Variants in CEP57 observed in about 807,000 individuals in gnomAD.
The protein encoded by CEP57 is centrosomal protein 57, also known as centrosomal protein of 57 kDa.
CEP57 carries 40 observed loss-of-function variants against 68.0 expected under a neutral mutation model. The ratio of observed to expected loss-of-function variants is 0.59; its 90% confidence interval spans 0.46 to 0.77. The LOEUF is 0.77. Ranked by LOEUF, CEP57 falls within the 30% of genes least tolerant of loss-of-function variation. The pLI, the probability that CEP57 is intolerant of heterozygous loss-of-function variation, is 0.00. For missense variants in CEP57, 606 were observed against 580.7 expected (o/e 1.04, Z -0.45); for synonymous variants, 219 against 198.7 (o/e 1.10, Z -0.86).
chr11:95,818,829 A>G lies in CEP57; in HGVS notation c.624A>G (p.Lys208=). 6.2e-7 allele frequency: 1 copy of G among 1,613,734 alleles called. No individual in the cohort carries two copies. The highest frequency in any genetic ancestry group is 8.5e-7 in the Non-Finnish European group (1 of 1,179,688). The part of the protein sequence containing the change: ...KLTTMQALAE[K]KMQELEAKLH... ...CCTTTTGACATTTTTATCACTAGAA[A>G]AAAATGCAAGAGTTGGAAGCAAAAC... Residue 208 remains lysine (K), a splice_region_variant and synonymous_variant, in exon 6 of 11, where the codon AAA becomes AAG. Coordinates refer to ENST00000325542, the MANE Select transcript of CEP57 (RefSeq NM_014679.5).
At chr11:95,813,149 AGT>A (rs1206377684) in intron 3 of CEP57, 38 bp downstream of exon 3, 15 of 1,570,362 alleles carry the variant, frequency 9.6e-6, no homozygotes, top group Admixed American at 3.4e-5. Flanking sequence ...TATCAAAATA[AGT>A]GTTGTGCAGT....
intron 4 of CEP57, among the ~76,000 whole-genome samples, chr11:95,814,883 T>C (rs549607352): frequency 5.3e-5 from 8 of 152,326 alleles, no homozygotes; most frequent in Non-Finnish European, 7.4e-5. Context: ...GTAAAATCCA[T>C]GGATGCTCAA....
In CEP57 at chr11:95,790,580, CTTTTCCA is replaced by C; in HGVS notation, c.-117_-111del. ...CAAGCCCAGCACCAGCACCCTTGCC[CTTTTCCA>C]TCAGGGGTTCAGCCTAGGGTCCCCG... On this transcript the variant is annotated 5_prime_UTR_variant, in exon 1 of 11. Coordinates refer to ENST00000325542, the MANE Select transcript of CEP57 (RefSeq NM_014679.5). 1 of 1,271,864 alleles carries C rather than the reference CTTTTCCA, an allele frequency of 7.9e-7. No homozygotes were observed. Among genetic ancestry groups the C allele is most frequent in the Non-Finnish European group, 1.1e-6 (1 of 895,290 alleles). The allele number at this position is 1,271,864 out of a possible 1,614,324, so 78.8% of individuals were successfully genotyped here. A position where few individuals can be genotyped will look rare whatever the true frequency, so the allele number is the denominator to read the frequency against.
intron 4 of CEP57, 102 bp downstream of exon 4, chr11:95,813,691 C>T (rs2135322136): frequency 7.3e-7 from 1 of 1,366,492 alleles, no homozygotes; most frequent in South Asian, 1.2e-5. Flanking sequence ...GGTGCTGTTA[C>T]AGCCCAGGAC....
intron 1 of CEP57, among the ~76,000 whole-genome samples, chr11:95,795,919 T>C (rs1461671171): frequency 6.6e-6 from 1 of 152,234 alleles, no homozygotes; most frequent in Non-Finnish European, 1.5e-5. Flanking sequence ...TATATCCATT[T>C]CTAGCTTGCC....
chr11:95,793,447 A>C (rs1861191810), intron 1 of CEP57, among the ~76,000 whole-genome samples: 1 of 152,224 alleles, frequency 6.6e-6, no homozygotes. Flanking sequence ...CAGTAGCTCC[A>C]TATTAATTTC....
In CEP57 at chr11:95,832,432, A is replaced by G. The variant is rs1863044903; in HGVS notation, c.*1176A>G. 1 of 140,002 alleles carries G rather than the reference A, an allele frequency of 7.1e-6. No homozygotes were observed. 8.7% of individuals were successfully genotyped at this position (140,002 alleles called of 1,614,324 possible). ...CAAGATACTACAGTAACAGGCTTTA[A>G]TTTAGGATCCTTAAGATTTTGGGGT... On this transcript the variant is annotated 3_prime_UTR_variant, in exon 11 of 11. Transcript: ENST00000325542.
At position 95,831,149 on chromosome 11, in the gene CEP57, A is replaced by G. The variant is rs765144759; in HGVS notation, c.1396A>G (p.Met466Val). 2 of 1,613,564 alleles carry G rather than the reference A, an allele frequency of 1.2e-6. No homozygotes were observed. Among genetic ancestry groups the G allele is most frequent in the Non-Finnish European group, 1.7e-6 (2 of 1,179,590 alleles). Residue 466 changes from methionine (M) to valine (V), a missense_variant, in exon 11 of 11, where the codon ATG (methionine) becomes GTG (valine). By Grantham distance (21) the Met-to-Val change is conservative. Transcript: ENST00000325542. ...AGGGACCACAAATAAGAAAGATTTT[A>G]TGAAACTGAGACCTGGAGAAAAAAG... The part of the protein sequence containing the change: ...ITGTTNKKDF[M>V]KLRPGEKRRK...
chr11:95,811,595 C>T (rs561665338), intron 2 of CEP57, among the ~76,000 whole-genome samples: 3 of 143,556 alleles, frequency 2.1e-5, no homozygotes, highest in South Asian at 2.2e-4. Flanking sequence ...AAAAAAAAAA[C>T]GTGATGGGAA....
intron 8 of CEP57, chr11:95,825,685 C>T (rs1384504918): frequency 1.3e-5 from 2 of 151,640 alleles, no homozygotes; most frequent in East Asian, 3.9e-4. Context: ...CAACCTCTGC[C>T]TCCTGGGTTC....
chr11:95,804,032 T>A (rs1861691429), intron 2 of CEP57, among the ~76,000 whole-genome samples: 1 of 151,694 alleles, frequency 6.6e-6, no homozygotes, highest in South Asian at 2.1e-4. Context: ...AAAAGAAAAA[T>A]TTCAGGAAAC....
chr11:95,814,441 A>G lies in CEP57; in HGVS notation c.504+852A>G, dbSNP rs191834079. Among the ~76,000 whole-genome samples the G allele has an allele frequency of 2.8e-3, 400 of 141,994 alleles. 1 individual carries two copies. Among genetic ancestry groups the G allele is most frequent in the Middle Eastern group, 7.8e-3 (2 of 258 alleles). The allele number at this position is 141,994 out of a possible 152,430, so 93.2% of individuals were successfully genotyped here. A position where few individuals can be genotyped will look rare whatever the true frequency, so the allele number is the denominator to read the frequency against. On this transcript the variant is annotated intron_variant, in intron 4 of 10. Coordinates refer to ENST00000325542, the MANE Select transcript of CEP57 (RefSeq NM_014679.5). ...AACGGCGTGATCTCAGCTCACCGCAACCTCCACCTCCCGGGTTCAAGTGAT... is the reference window on the plus strand; with the variant it reads ...AACGGCGTGATCTCAGCTCACCGCAGCCTCCACCTCCCGGGTTCAAGTGAT...
At chr11:95,817,762 A>G (rs956279286) in intron 4 of CEP57, 25 bp from the exon 5 acceptor site, 3 of 1,441,944 alleles carry the variant, frequency 2.1e-6, no homozygotes, top group African/African-American at 1.4e-5. Flanking sequence ...CAAATTATCA[A>G]GCCGTATTGA....
chr11:95,802,056 T>C (rs138184089), intron 2 of CEP57, among the ~76,000 whole-genome samples: 18 of 152,166 alleles, frequency 1.2e-4, no homozygotes, highest in Admixed American at 2.6e-4. Context: ...CTGTGAGATA[T>C]GAACAAAGAC....
intron 7 of CEP57, chr11:95,822,297 G>C (rs1862550352): frequency 3.4e-6 from 2 of 594,324 alleles, no homozygotes. Context: ...GTTTTGTCAA[G>C]TGCTTTTTTC....
chr11:95,814,276 T>C (rs1381943478), intron 4 of CEP57, among the ~76,000 whole-genome samples: 1 of 151,990 alleles, frequency 6.6e-6, no homozygotes, highest in Non-Finnish European at 1.5e-5. Flanking sequence ...CTCAAACTCC[T>C]GGCCTCAAGT....
intron 8 of CEP57, among the ~76,000 whole-genome samples, chr11:95,824,775 C>G (rs1416749563): frequency 6.6e-6 from 1 of 152,160 alleles, no homozygotes; most frequent in Non-Finnish European, 1.5e-5. Flanking sequence ...TGTGAAAACA[C>G]AATCCGATTT....
At chr11:95,811,538 C>T (rs1862061413) in intron 2 of CEP57, among the ~76,000 whole-genome samples, 1 of 150,430 alleles carries the variant, frequency 6.6e-6, no homozygotes, top group Non-Finnish European at 1.5e-5. Context: ...ATGTAACAAA[C>T]CTGCACGTTG....
chr11:95,817,605 A>G (rs926443212), intron 4 of CEP57, among the ~76,000 whole-genome samples, 182 bp from the exon 5 acceptor site: 2 of 152,204 alleles, frequency 1.3e-5, no homozygotes, highest in Non-Finnish European at 2.9e-5. Flanking sequence ...AAGGCAACTG[A>G]GCTAAGAACA....
Sources: gnomAD v4.1 joint callset for allele counts (sites outside exome capture counted in the v4.1 genomes callset) on GRCh38, gnomAD v4.1.1 for gene constraint, MANE v1.5 for transcripts, NCBI Gene and HGNC (gene_info 2026-07-23, HGNC 2026-07-21) for gene names.